MSI2: variants seen among roughly 807,000 people sequenced by gnomAD.
The protein encoded by MSI2 is musashi RNA binding protein 2, also known as RNA-binding protein Musashi homolog 2.
MSI2 carries 17 observed loss-of-function variants against 45.6 expected under a neutral mutation model. That is an observed-to-expected ratio of 0.37 (90% CI 0.26 to 0.56). The LOEUF is 0.56. MSI2 is among the 20% of genes least tolerant of loss of function. MSI2 has a pLI of 0.77. For missense variants in MSI2, 293 were observed against 444.2 expected (o/e 0.66, Z 3.06); for synonymous variants, 156 against 158.2 (o/e 0.99, Z 0.11).
Position 57,464,696 on chromosome 17 carries a change from A to C in MSI2, c.405+63225A>C, listed in dbSNP as rs147998454. Among the ~76,000 whole-genome samples, 626 of 151,904 alleles carry C rather than the reference A, an allele frequency of 4.1e-3. 2 individuals carry two copies. The highest frequency in any genetic ancestry group is 5.9e-3 in the Non-Finnish European group (398 of 67,940). On this transcript the variant is annotated intron_variant, in intron 6 of 13. Transcript: ENST00000284073. ...CTCCCACGCTGCTGCCCCTTGGGAC[A>C]CTCTTTGGAAGCCTGAGAGTTCCTG...
intron 6 of MSI2, among the ~76,000 whole-genome samples, chr17:57,402,722 G>A (rs918681996): frequency 2.6e-5 from 4 of 152,178 alleles, no homozygotes; most frequent in Non-Finnish European, 5.9e-5. Flanking sequence ...ATAGGAGACC[G>A]TGCAACAAAG....
chr17:57,609,377 G>A (rs1047157912), intron 8 of MSI2, among the ~76,000 whole-genome samples: 1 of 152,162 alleles, frequency 6.6e-6, no homozygotes, highest in Non-Finnish European at 1.5e-5. Flanking sequence ...ACAGTCAGAC[G>A]GTCAAGGTTG....
At position 57,329,806 on chromosome 17, in the gene MSI2, C is replaced by T. The variant is rs115640602; in HGVS notation, c.312+67614C>T. Among the ~76,000 whole-genome samples, 1,043 of 152,244 alleles carry T rather than the reference C, an allele frequency of 6.9e-3. 15 individuals are homozygous for T. Among genetic ancestry groups the T allele is most frequent in the African/African-American group, 0.023 (960 of 41,548 alleles). On this transcript the variant is annotated intron_variant, in intron 5 of 13. Transcript: ENST00000284073. Reference sequence around the variant, plus strand: ...TTCCGAGTTACGTAATTTTGCAGAACGGACACAGAGGCTCCTGGGAAAAAC... The same window carrying T: ...TTCCGAGTTACGTAATTTTGCAGAATGGACACAGAGGCTCCTGGGAAAAAC...
intron 5 of MSI2, among the ~76,000 whole-genome samples, chr17:57,348,834 C>G (rs1182265126): frequency 1.3e-5 from 2 of 152,240 alleles, no homozygotes; most frequent in African/African-American, 4.8e-5. Flanking sequence ...GTGTCCTTCT[C>G]TTTCCCAACT....
chr17:57,409,744 C>G (rs957733303), intron 6 of MSI2, among the ~76,000 whole-genome samples: 3 of 151,960 alleles, frequency 2.0e-5, no homozygotes. Context: ...CACAGTGGCT[C>G]ACGCCTGTAA....
At chr17:57,516,680 G>A (rs1447412390) in intron 6 of MSI2, among the ~76,000 whole-genome samples, 6 of 152,186 alleles carry the variant, frequency 3.9e-5, no homozygotes, top group African/African-American at 7.2e-5. Context: ...GCTTTCCTGC[G>A]TGTTGTATCA....
At chr17:57,631,955 T>C in intron 10 of MSI2, 1 of 1,471,698 alleles carries the variant, frequency 6.8e-7, no homozygotes, top group Non-Finnish European at 9.0e-7. Context: ...GCTGCCTGTT[T>C]GAATGACTGT....
At chr17:57,345,680 G>A (rs903249270) in intron 5 of MSI2, among the ~76,000 whole-genome samples, 12 of 152,006 alleles carry the variant, frequency 7.9e-5, no homozygotes, top group Admixed American at 7.9e-4. Context: ...TTACCCGGGT[G>A]TGGTGGTGCA....
At chr17:57,497,566 C>G (rs1429193746) in intron 6 of MSI2, among the ~76,000 whole-genome samples, 1 of 152,182 alleles carries the variant, frequency 6.6e-6, no homozygotes, top group Non-Finnish European at 1.5e-5. Flanking sequence ...AAAAAGACAG[C>G]TACGTCTCTC....
At chr17:57,638,267 T>C (rs1909985034) in intron 10 of MSI2, among the ~76,000 whole-genome samples, 1 of 152,140 alleles carries the variant, frequency 6.6e-6, no homozygotes. Flanking sequence ...CCCCTGCCCC[T>C]GAGAGACCCC....
chr17:57,632,619 C>T, intron 10 of MSI2: 2 of 1,066,162 alleles, frequency 1.9e-6, no homozygotes, highest in Non-Finnish European at 2.3e-6. Flanking sequence ...GGCCCCATCT[C>T]AAGGTTGGCA....
In MSI2 at chr17:57,683,090, C is replaced by T. The variant is rs1007933525; in HGVS notation, c.*3573C>T. The T allele has an allele frequency of 2.6e-5, 6 of 229,394 alleles. No homozygotes were observed. Among genetic ancestry groups the T allele is most frequent in the East Asian group, 6.2e-5 (1 of 16,084 alleles). The allele number at this position is 229,394 out of a possible 1,614,324, so 14.2% of individuals were successfully genotyped here. A position where few individuals can be genotyped will look rare whatever the true frequency, so the allele number is the denominator to read the frequency against. ...CAAACAAAGCCCCAGCAGGCCTTTGCGTTTTTATCCTTCATAACCTTCATC... is the reference window on the plus strand; with the variant it reads ...CAAACAAAGCCCCAGCAGGCCTTTGTGTTTTTATCCTTCATAACCTTCATC... On this transcript the variant is annotated 3_prime_UTR_variant, in exon 14 of 14. Transcript: ENST00000284073. This position sits in a 1 kb window ranked among gnomAD's most constrained non-coding sequence, Gnocchi z 5.2.
intron 5 of MSI2, among the ~76,000 whole-genome samples, chr17:57,369,158 G>A (rs1313609083): frequency 1.3e-5 from 2 of 152,210 alleles, no homozygotes. Flanking sequence ...ACAGGGTGCT[G>A]TTTGTACCAT....
chr17:57,667,588 C>T (rs1282833642), intron 11 of MSI2, among the ~76,000 whole-genome samples: 2 of 152,188 alleles, frequency 1.3e-5, no homozygotes, highest in African/African-American at 4.8e-5. Context: ...CGGGGCCCTC[C>T]GCACTTGCCT....
chr17:57,483,506 G>A (rs1443505368), intron 6 of MSI2, among the ~76,000 whole-genome samples: 4 of 152,096 alleles, frequency 2.6e-5, no homozygotes, highest in African/African-American at 7.2e-5. Context: ...GCTGTTTTGC[G>A]GGGCCACGCT....
At chr17:57,614,678 T>C (rs949757589) in intron 8 of MSI2, among the ~76,000 whole-genome samples, 29 of 152,206 alleles carry the variant, frequency 1.9e-4, no homozygotes, top group Admixed American at 1.8e-3. Context: ...AGCAGTGGGA[T>C]TGATGACTGG....
chr17:57,643,610 G>T lies in MSI2; in HGVS notation c.728-8489G>T, dbSNP rs145218724. 3.7e-3 allele frequency among the ~76,000 whole-genome samples: 569 copies of T among 152,324 alleles called. 4 individuals carry two copies. The highest frequency in any genetic ancestry group is 0.013 in the African/African-American group (537 of 41,568). ...TGAGGATTTCTCTGTTGCTTCCCAGGGGTGCTGCCTAACTTCTATTTTATG... is the reference window on the plus strand; with the variant it reads ...TGAGGATTTCTCTGTTGCTTCCCAGTGGTGCTGCCTAACTTCTATTTTATG... On this transcript the variant is annotated intron_variant, in intron 10 of 13. Coordinates refer to ENST00000284073, the MANE Select transcript of MSI2 (RefSeq NM_138962.4).
At position 57,256,933 on chromosome 17, in the gene MSI2, G is replaced by C. The variant is rs1002227943; in HGVS notation, c.62+129G>C. ...TCTCCCGCGCGCCCCCCCCGTGGAA[G>C]TTACACACCTTTGGATTGCATTTCG... On this transcript the variant is annotated intron_variant, in intron 1 of 13. Coordinates refer to ENST00000284073, the MANE Select transcript of MSI2 (RefSeq NM_138962.4). 4.4e-6 allele frequency: 4 copies of C among 908,374 alleles called. No individual in the cohort carries two copies. The East Asian group carries it at 1.4e-4, about 31-fold the overall frequency. The allele number at this position is 908,374 out of a possible 1,614,324, so 56.3% of individuals were successfully genotyped here. A position where few individuals can be genotyped will look rare whatever the true frequency, so the allele number is the denominator to read the frequency against.
In MSI2 at chr17:57,573,724, G is replaced by A. The variant is rs566568027; in HGVS notation, c.455-23144G>A. On this transcript the variant is annotated intron_variant, in intron 7 of 13. Transcript: ENST00000284073. ...TCCATTTATTTTGGTTGATCTTCCA[G>A]GGGCTGATGGAGGAGTGACAGGCTT... 2.8e-4 allele frequency among the ~76,000 whole-genome samples: 42 copies of A among 152,326 alleles called. 1 individual carries two copies. The South Asian group carries it at 7.9e-3, about 29-fold the overall frequency.
Sources: allele counts gnomAD v4.1 joint callset (sites outside exome capture counted in the v4.1 genomes callset), GRCh38; gene constraint gnomAD v4.1.1; non-coding constraint Gnocchi (gnomAD v3.1); transcripts MANE v1.5; gene names NCBI Gene and HGNC (gene_info 2026-07-23, HGNC 2026-07-21).